CACNA1E: variants seen among roughly 807,000 people sequenced by gnomAD.
CACNA1E encodes the protein voltage-dependent R-type calcium channel subunit alpha-1E.
In CACNA1E, 40 loss-of-function variants were observed where a neutral mutation model predicts 259.2. That is an observed-to-expected ratio of 0.15 (90% CI 0.12 to 0.20). CACNA1E has a LOEUF of 0.20. CACNA1E is among the 10% of genes least tolerant of loss of function. The probability of loss-of-function intolerance (pLI) is 1.00; values close to 1 mark genes in which losing one functional copy is unlikely to be tolerated. For synonymous variants in CACNA1E, 1,104 were observed against 1,138.5 expected, an observed-to-expected ratio of 0.97 and a Z score of 0.61; for missense variants, 1,874 against 3,040.1, an observed-to-expected ratio of 0.62 and a Z score of 9.02.
At chr1:181,615,004 A>G (rs773755394) in intron 6 of CACNA1E, among the ~76,000 whole-genome samples, 3 of 152,184 alleles carry the variant, frequency 2.0e-5, no homozygotes, top group African/African-American at 4.8e-5. Context: ...GTCAATTTTT[A>G]CTAAAAAAAC....
At chr1:181,628,236 C>T (rs528005915) in intron 6 of CACNA1E, among the ~76,000 whole-genome samples, 19 of 152,138 alleles carry the variant, frequency 1.2e-4, no homozygotes, top group Non-Finnish European at 2.2e-4. Context: ...TTCTTAGATT[C>T]GTCAGCAAAC....
chr1:181,698,431 CT>C lies in CACNA1E; in HGVS notation c.1056-12522del, dbSNP rs1339894595. 6.6e-5 allele frequency among the ~76,000 whole-genome samples: 10 copies of C among 152,312 alleles called. No individual in the cohort carries two copies. In the East Asian group the frequency reaches 1.7e-3, roughly 26 times the overall value. On this transcript the variant is annotated intron_variant, in intron 7 of 47. Transcript: ENST00000367573. ...TCACATGGGCTTGCTGATGCAGCAG[CT>C]CAGTGAAGTTGCAGTTTTTATCAAT...
chr1:181,629,839 A>T (rs1448328448), intron 6 of CACNA1E, among the ~76,000 whole-genome samples: 1 of 152,212 alleles, frequency 6.6e-6, no homozygotes, highest in Non-Finnish European at 1.5e-5. Context: ...TTTATCCATC[A>T]GATTGGCTAA....
At chr1:181,426,204 C>T (rs1481118816) in intron 2 of CACNA1E, among the ~76,000 whole-genome samples, 1 of 151,822 alleles carries the variant, frequency 6.6e-6, no homozygotes, top group African/African-American at 2.4e-5. Context: ...CTCAACAATT[C>T]CCCAACCCAG....
chr1:181,692,989 C>T (rs983861674), intron 7 of CACNA1E, among the ~76,000 whole-genome samples: 2 of 151,798 alleles, frequency 1.3e-5, no homozygotes, highest in Non-Finnish European at 2.9e-5. Context: ...GGGCAAAGGA[C>T]ATGAAAAGCA....
intron 3 of CACNA1E, among the ~76,000 whole-genome samples, chr1:181,570,621 C>T (rs544707305): frequency 6.6e-6 from 1 of 152,326 alleles, no homozygotes; most frequent in Admixed American, 6.5e-5. Flanking sequence ...GTTTCTTTGC[C>T]TCTCCCAGCT....
intron 6 of CACNA1E, among the ~76,000 whole-genome samples, chr1:181,633,374 T>C (rs1444140300): frequency 6.6e-6 from 1 of 152,124 alleles, no homozygotes; most frequent in Non-Finnish European, 1.5e-5. Context: ...TTAGCTGCAC[T>C]GTTTCCGATT....
At chr1:181,427,149 C>T (rs1278213491) in intron 2 of CACNA1E, among the ~76,000 whole-genome samples, 1 of 151,694 alleles carries the variant, frequency 6.6e-6, no homozygotes. Context: ...GACCCTTCAA[C>T]ATCTCAACCA....
At chr1:181,497,850 G>T (rs1054502269) in intron 1 of CACNA1E, among the ~76,000 whole-genome samples, 22 of 152,196 alleles carry the variant, frequency 1.4e-4, no homozygotes, top group African/African-American at 5.3e-4. Flanking sequence ...GTAGATGGAA[G>T]AAGAGCAACT....
At chr1:181,773,084 G>A (rs973613302) in intron 37 of CACNA1E, among the ~76,000 whole-genome samples, 3 of 152,230 alleles carry the variant, frequency 2.0e-5, no homozygotes, top group African/African-American at 7.2e-5. Flanking sequence ...AACTAAGACA[G>A]TGATGCCACT....
intron 7 of CACNA1E, among the ~76,000 whole-genome samples, chr1:181,657,625 G>A (rs1219570638): frequency 1.3e-5 from 2 of 152,144 alleles, no homozygotes; most frequent in Non-Finnish European, 2.9e-5. Flanking sequence ...AGTGTAGGAC[G>A]AAAGGCGTAT....
At chr1:181,729,626 G>A (rs1655279945) in intron 18 of CACNA1E, among the ~76,000 whole-genome samples, 1 of 152,134 alleles carries the variant, frequency 6.6e-6, no homozygotes, top group Non-Finnish European at 1.5e-5. Context: ...ATCCCACAAG[G>A]GCTATTGTGA....
Position 181,685,179 on chromosome 1 carries a change from A to ATTT in CACNA1E, c.1056-25760_1056-25758dup, listed in dbSNP as rs35187833. 2.1e-3 allele frequency among the ~76,000 whole-genome samples: 226 copies of ATTT among 110,194 alleles called. 1 individual carries two copies. The highest frequency in any genetic ancestry group is 0.015 in the East Asian group (54 of 3,670). The allele number at this position is 110,194 out of a possible 152,430, so 72.3% of individuals were successfully genotyped here. ...CCAGGAGCATGCTTACAAAGGAAACATTTTTTTTTTTTTTTTTGCCTTGCC... is the reference window on the plus strand; with the variant it reads ...CCAGGAGCATGCTTACAAAGGAAACATTTTTTTTTTTTTTTTTTTTGCCTTGCC... On this transcript the variant is annotated intron_variant, in intron 7 of 47. Transcript: ENST00000367573.
intron 1 of CACNA1E, among the ~76,000 whole-genome samples, chr1:181,500,677 A>C (rs1665170326): frequency 6.6e-6 from 1 of 152,206 alleles, no homozygotes; most frequent in Non-Finnish European, 1.5e-5. Context: ...AGCCCTTCAG[A>C]TATTTGAAAG....
Position 181,604,015 on chromosome 1 carries a change from G to T in CACNA1E, c.951+23239G>T, listed in dbSNP as rs571494704. Among the ~76,000 whole-genome samples the T allele has an allele frequency of 6.2e-4, 95 of 152,302 alleles. No individual in the cohort carries two copies. In the South Asian group the frequency reaches 6.6e-3, roughly 11 times the overall value. On this transcript the variant is annotated intron_variant, in intron 6 of 47. Coordinates refer to ENST00000367573, the MANE Select transcript of CACNA1E (RefSeq NM_001205293.3). Reference sequence around the variant, plus strand: ...CCTCTGTACCTTGCCCTTCCCTGTGGGTGGCAGAGCTAGACAGCCATTCTC... The same window carrying T: ...CCTCTGTACCTTGCCCTTCCCTGTGTGTGGCAGAGCTAGACAGCCATTCTC...
chr1:181,751,956 G>T (rs1268401136), intron 26 of CACNA1E, 187 bp from the exon 27 acceptor site: 1 of 695,304 alleles, frequency 1.4e-6, no homozygotes, highest in South Asian at 1.5e-5. Flanking sequence ...AGTGATTTGA[G>T]AATATTCCTG....
chr1:181,457,475 TG>T (rs1414835220), intron 2 of CACNA1E, among the ~76,000 whole-genome samples: 1 of 152,248 alleles, frequency 6.6e-6, no homozygotes, highest in East Asian at 1.9e-4. Context: ...TCCTTACAAG[TG>T]GAGTGACTCC....
chr1:181,487,173 G>T lies in CACNA1E; in HGVS notation c.266+3163G>T, dbSNP rs114790923. ...TTTGAGACTTACACTTTCATTGGCT[G>T]CAGAAAGTCACTGTAGGACGAGGGG... On this transcript the variant is annotated intron_variant, in intron 1 of 47. Transcript: ENST00000367573. 1.8e-3 allele frequency among the ~76,000 whole-genome samples: 273 copies of T among 152,282 alleles called. 2 individuals carry two copies. The highest frequency in any genetic ancestry group is 6.3e-3 in the African/African-American group (263 of 41,548).
At chr1:181,634,868 C>T (rs1359534496) in intron 6 of CACNA1E, among the ~76,000 whole-genome samples, 1 of 152,204 alleles carries the variant, frequency 6.6e-6, no homozygotes, top group Non-Finnish European at 1.5e-5. Flanking sequence ...CTCTGAACCC[C>T]CACTTCGCTG....
Sources: allele counts gnomAD v4.1 joint callset (sites outside exome capture counted in the v4.1 genomes callset), GRCh38; gene constraint gnomAD v4.1.1; transcripts MANE v1.5; gene names NCBI Gene and HGNC (gene_info 2026-07-23, HGNC 2026-07-21).